The following MIPOL1 variants were observed in gnomAD, a reference collection of about 807,000 sequenced individuals.
MIPOL1 encodes the protein mirror-image polydactyly 1, also known as mirror-image polydactyly gene 1 protein.
MIPOL1 carries 57 observed loss-of-function variants against 60.9 expected under a neutral mutation model. The observed-to-expected ratio is 0.94, with a 90% confidence interval of 0.76 to 1.17. The LOEUF (loss-of-function observed/expected upper bound fraction) is 1.17. MIPOL1 is among the 50% of genes most tolerant of loss of function. The pLI is 0.00. For missense variants in MIPOL1, 551 were observed against 511.6 expected (o/e 1.08, Z -0.74); for synonymous variants, 179 against 168.8 (o/e 1.06, Z -0.47).
At chr14:37,541,443 G>T (rs768694858) in intron 12 of MIPOL1, among the ~76,000 whole-genome samples, 5 of 151,992 alleles carry the variant, frequency 3.3e-5, no homozygotes, top group Admixed American at 1.3e-4. Context: ...CTTGCTTTCC[G>T]CAAACCTACC....
At chr14:37,293,066 A>G (rs1034243645) in intron 7 of MIPOL1, among the ~76,000 whole-genome samples, 1 of 152,128 alleles carries the variant, frequency 6.6e-6, no homozygotes. Context: ...TCAGTATTGT[A>G]GTAAAACATA....
rs1274424951 is a variant in MIPOL1, at chr14:37,548,755, T to G, written c.*1784T>G. On this transcript the variant is annotated 3_prime_UTR_variant, in exon 13 of 13. Coordinates refer to ENST00000684589, the MANE Select transcript of MIPOL1 (RefSeq NM_001388067.1). ...TTTAATGTTGAAAGCAGATGAACTT[T>G]TCTTGAGTTATTTTGTCTTTTAGAA... 6 of 152,006 alleles carry G rather than the reference T, an allele frequency of 3.9e-5. No individual in the cohort carries two copies. Among genetic ancestry groups the G allele is most frequent in the Non-Finnish European group, 7.4e-5 (5 of 67,862 alleles). The allele number at this position is 152,006 out of a possible 1,614,324, so 9.4% of individuals were successfully genotyped here.
chr14:37,410,857 G>A (rs1458816638), intron 10 of MIPOL1, among the ~76,000 whole-genome samples: 1 of 151,752 alleles, frequency 6.6e-6, no homozygotes, highest in African/African-American at 2.4e-5. Context: ...GGGGGAAATG[G>A]GATGATAATA....
chr14:37,267,257 G>A (rs1291061096), intron 4 of MIPOL1, 88 bp downstream of exon 4: 1 of 949,512 alleles, frequency 1.1e-6, no homozygotes, highest in African/African-American at 1.6e-5. Flanking sequence ...GGAGGACGAG[G>A]TGGGTGGATC....
At chr14:37,386,583 A>G (rs8007012) in intron 10 of MIPOL1, among the ~76,000 whole-genome samples, 25,887 of 151,912 alleles carry the variant, frequency 0.17, 4,229 homozygotes, top group African/African-American at 0.41. Context: ...AGAAATTTGC[A>G]TAGAATTCAA....
chr14:37,498,032 A>G (rs988956189), intron 11 of MIPOL1, among the ~76,000 whole-genome samples: 1 of 152,254 alleles, frequency 6.6e-6, no homozygotes, highest in Non-Finnish European at 1.5e-5. Flanking sequence ...CGGCATATGT[A>G]TATAACAGAA....
At chr14:37,456,975 T>C (rs934845148) in intron 11 of MIPOL1, among the ~76,000 whole-genome samples, 2 of 152,214 alleles carry the variant, frequency 1.3e-5, no homozygotes, top group Non-Finnish European at 2.9e-5. Context: ...ATTTGCATAA[T>C]AATTGGATAT....
intron 10 of MIPOL1, among the ~76,000 whole-genome samples, chr14:37,417,297 CTCTTT>C (rs996313419): frequency 6.6e-6 from 1 of 152,192 alleles, no homozygotes; most frequent in African/African-American, 2.4e-5. Context: ...CCACCACAAA[CTCTTT>C]TCTTCTCTCT....
chr14:37,222,362 A>G (rs916959225), intron 1 of MIPOL1, among the ~76,000 whole-genome samples: 2 of 151,120 alleles, frequency 1.3e-5, no homozygotes, highest in Non-Finnish European at 2.9e-5. Context: ...AGCTGGGACT[A>G]CAGGCATGCA....
chr14:37,255,214 A>G (rs930155016), intron 3 of MIPOL1, among the ~76,000 whole-genome samples: 1 of 151,690 alleles, frequency 6.6e-6, no homozygotes, highest in East Asian at 1.9e-4. Context: ...TCAGCTTGTC[A>G]TATTTCAGAT....
intron 6 of MIPOL1, among the ~76,000 whole-genome samples, 195 bp downstream of exon 6, chr14:37,270,720 C>T (rs1189113788): frequency 2.0e-5 from 3 of 148,120 alleles, no homozygotes; most frequent in Admixed American, 6.8e-5. Context: ...AGAGCTTTAC[C>T]TGTATTCATA....
At chr14:37,385,976 A>G (rs2093056374) in intron 10 of MIPOL1, among the ~76,000 whole-genome samples, 1 of 151,960 alleles carries the variant, frequency 6.6e-6, no homozygotes, top group Non-Finnish European at 1.5e-5. Context: ...GCTTTATAGG[A>G]GTGGTTTTTA....
intron 7 of MIPOL1, among the ~76,000 whole-genome samples, chr14:37,294,949 G>A (rs865972764): frequency 5.3e-5 from 8 of 152,132 alleles, no homozygotes; most frequent in Middle Eastern, 3.2e-3. Flanking sequence ...AGGAATTACA[G>A]AGAACACCAC....
At chr14:37,430,958 A>G (rs1457715660) in intron 11 of MIPOL1, among the ~76,000 whole-genome samples, 3 of 152,180 alleles carry the variant, frequency 2.0e-5, no homozygotes, top group Non-Finnish European at 2.9e-5. Flanking sequence ...TTCAACATGT[A>G]TAGCTCTCAA....
intron 11 of MIPOL1, among the ~76,000 whole-genome samples, chr14:37,499,596 T>C (rs935748229): frequency 6.6e-6 from 1 of 152,220 alleles, no homozygotes. Context: ...AGAGATACTT[T>C]ATTTTCCAGT....
chr14:37,436,617 C>G lies in MIPOL1; in HGVS notation c.1031+13668C>G, dbSNP rs113955405. The stretch of plus-strand genomic sequence containing the variant: ...TTAAGCTAGTTTTGATTTCTATAAA[C>G]TTTCTAATGCCACTGCTGTCATAAA... On this transcript the variant is annotated intron_variant, in intron 11 of 12. Coordinates refer to ENST00000684589, the MANE Select transcript of MIPOL1 (RefSeq NM_001388067.1). Among the ~76,000 whole-genome samples, 484 of 152,276 alleles carry G rather than the reference C, an allele frequency of 3.2e-3. 4 individuals carry two copies. The highest frequency in any genetic ancestry group is 0.031 in the Middle Eastern group (9 of 294).
intron 10 of MIPOL1, among the ~76,000 whole-genome samples, chr14:37,375,878 T>C (rs2092762662): frequency 6.6e-6 from 1 of 152,174 alleles, no homozygotes; most frequent in South Asian, 2.1e-4. Flanking sequence ...ACTGGCTTTC[T>C]GTAGTTTTCT....
intron 3 of MIPOL1, 81 bp downstream of exon 3, chr14:37,247,988 C>T (rs1973442210): frequency 6.9e-7 from 1 of 1,442,554 alleles, no homozygotes. Flanking sequence ...TTTGTTCTAA[C>T]CAATATATTA....
chr14:37,411,212 T>C (rs2093676160), intron 10 of MIPOL1, among the ~76,000 whole-genome samples: 1 of 152,194 alleles, frequency 6.6e-6, no homozygotes, highest in African/African-American at 2.4e-5. Context: ...ATTTTGTTTA[T>C]TTTGCATTAT....
Sources: allele counts gnomAD v4.1 joint callset (sites outside exome capture counted in the v4.1 genomes callset), GRCh38; gene constraint gnomAD v4.1.1; transcripts MANE v1.5; gene names NCBI Gene and HGNC (gene_info 2026-07-23, HGNC 2026-07-21).